Variants in MXD4 observed in about 807,000 individuals in gnomAD.
MXD4 encodes Mad4 homolog.
Under a neutral mutation model 24.5 loss-of-function variants are expected in MXD4, and 16 were observed. That is an observed-to-expected ratio of 0.65 (90% confidence interval 0.44 to 0.99). The LOEUF (loss-of-function observed/expected upper bound fraction) is 0.99, where lower values mean the gene tolerates loss of function less well. Among genes scored for constraint, MXD4 ranks in the 50% least tolerant of loss-of-function variants. The probability of loss-of-function intolerance (pLI) is 0.00; values close to 1 mark genes in which losing one functional copy is unlikely to be tolerated. For synonymous variants in MXD4, 164 were observed against 134.2 expected, an observed-to-expected ratio of 1.22 and a Z score of -1.54; for missense variants, 301 against 301.5, an observed-to-expected ratio of 1.00 and a Z score of 0.01.
intron 3 of MXD4, among the ~76,000 whole-genome samples, chr4:2,255,601 C>T (rs1338639890): frequency 6.6e-6 from 1 of 152,186 alleles, no homozygotes; most frequent in Non-Finnish European, 1.5e-5. Context: ...CTGCTGAGCC[C>T]TCCCCTCCTG....
intron 3 of MXD4, among the ~76,000 whole-genome samples, chr4:2,256,529 T>C (rs1735434634): frequency 6.6e-6 from 1 of 152,168 alleles, no homozygotes; most frequent in Non-Finnish European, 1.5e-5. Context: ...TAGGCTGTGA[T>C]CCAGGGCCCC....
intron 2 of MXD4, among the ~76,000 whole-genome samples, chr4:2,260,878 T>G (rs1735525421): frequency 6.6e-6 from 1 of 152,020 alleles, no homozygotes; most frequent in African/African-American, 2.4e-5. Context: ...TGTGCTATGG[T>G]CCTCACAGCA....
intron 2 of MXD4, chr4:2,258,779 T>G: frequency 2.5e-6 from 1 of 402,878 alleles, no homozygotes; most frequent in Non-Finnish European, 5.0e-6. Context: ...AGGGGGACAC[T>G]GAGGCCAGCC....
At chr4:2,251,607 C>T (rs1415279883) in intron 4 of MXD4, among the ~76,000 whole-genome samples, 2 of 152,248 alleles carry the variant, frequency 1.3e-5, no homozygotes, top group African/African-American at 4.8e-5. Context: ...GTCCTGCTTA[C>T]AGCGGGTCTC....
chr4:2,259,318 G>A (rs1219446386), intron 2 of MXD4, among the ~76,000 whole-genome samples: 2 of 152,060 alleles, frequency 1.3e-5, no homozygotes, highest in African/African-American at 4.8e-5. Flanking sequence ...GGGTCCGGGA[G>A]GGCCTGTTGG....
intron 3 of MXD4, chr4:2,255,322 G>A (rs1735404610): frequency 2.2e-6 from 1 of 456,270 alleles, no homozygotes; most frequent in Non-Finnish European, 4.4e-6. Context: ...GGAGGTCCGT[G>A]AACAGACCGC....
Position 2,262,038 on chromosome 4 carries a change from G to C in MXD4, c.-58C>G. 1.0e-6 allele frequency: 1 copy of C among 968,714 alleles called. No homozygotes were observed. The highest frequency in any genetic ancestry group is 1.2e-6 in the Non-Finnish European group (1 of 805,716). The allele number at this position is 968,714 out of a possible 1,614,324, so 60.0% of individuals were successfully genotyped here. A position where few individuals can be genotyped will look rare whatever the true frequency, so the allele number is the denominator to read the frequency against. ...CGGCGGCCGCTGCCCGGCCCGCTCC[G>C]GCCGGCTCCGCTCGCCGCCCACCCC... On this transcript the variant is annotated 5_prime_UTR_variant, in exon 1 of 6. Coordinates refer to ENST00000337190, the MANE Select transcript of MXD4 (RefSeq NM_006454.3).
In MXD4 at chr4:2,250,387, C is replaced by A; in HGVS notation, c.*157G>T. 2 of 1,042,328 alleles carry A rather than the reference C, an allele frequency of 1.9e-6. No individual in the cohort carries two copies. Among genetic ancestry groups the A allele is most frequent in the South Asian group, 1.7e-5 (1 of 58,934 alleles). 64.6% of individuals were successfully genotyped at this position (1,042,328 alleles called of 1,614,324 possible). On this transcript the variant is annotated 3_prime_UTR_variant, in exon 6 of 6. Coordinates refer to ENST00000337190, the MANE Select transcript of MXD4 (RefSeq NM_006454.3). ...GGCAGGCAGCTCGGCAGGCCCTGAC[C>A]GGCAAGCGGGCAGTGCCAGGCAGCC...
At chr4:2,261,849 G>C in intron 1 of MXD4, 25 bp from the exon 2 acceptor site, 2 of 1,360,668 alleles carry the variant, frequency 1.5e-6, no homozygotes, top group African/African-American at 1.5e-5. Context: ...CGCGGTCAGC[G>C]GCCCCCGCCC....
At chr4:2,257,868 C>G in intron 3 of MXD4, 114 bp downstream of exon 3, 1 of 1,381,368 alleles carries the variant, frequency 7.2e-7, no homozygotes, top group Admixed American at 1.9e-5. Flanking sequence ...AGGACACAGC[C>G]TGGCAGCACG....
At position 2,261,752 on chromosome 4, in the gene MXD4, C is replaced by A. The variant is rs867068650; in HGVS notation, c.137G>T (p.Gly46Val). 1.6e-5 allele frequency: 23 copies of A among 1,428,068 alleles called. No homozygotes were observed. In the African/African-American group the frequency reaches 3.1e-4, roughly 19 times the overall value. 88.5% of individuals were successfully genotyped at this position (1,428,068 alleles called of 1,614,324 possible). A position where few individuals can be genotyped will look rare whatever the true frequency, so the allele number is the denominator to read the frequency against. Residue 46 changes from glycine to valine, a missense_variant, in exon 2 of 6, where the codon GGC becomes GTC. Physicochemically the swap from Gly to Val is moderately radical, Grantham distance 109. Transcript: ENST00000337190. ...GTTGTTCGGGGCCTTGCGCACCAGG[C>A]CGGCCGCCTTTGTTTTCTCCCTGGC... Reference protein sequence around the residue: ...DFAREKTKAAGLVRKAPNNRS... With the variant: ...DFAREKTKAAVLVRKAPNNRS...
At chr4:2,260,841 G>A (rs1735524918) in intron 2 of MXD4, among the ~76,000 whole-genome samples, 1 of 152,224 alleles carries the variant, frequency 6.6e-6, no homozygotes, top group African/African-American at 2.4e-5. Context: ...AAAGGGCTGG[G>A]CCAAGGTGGG....
intron 3 of MXD4, among the ~76,000 whole-genome samples, chr4:2,257,252 G>A (rs927677178): frequency 6.6e-6 from 1 of 152,216 alleles, no homozygotes; most frequent in African/African-American, 2.4e-5. Flanking sequence ...CCACTAGGAA[G>A]GGAGGACAGA....
In MXD4 at chr4:2,251,154, C is replaced by A. The variant is rs144352901; in HGVS notation, c.402G>T (p.Ser134=). ...RFLKRRLEQL[S]VQSVERVRTD... ...TGCGCACGCGCTCCACGCTCTGCAC[C>A]GACAGCTGCTCCAGGCGCCGCTTCA... Residue 134 remains serine (S), a synonymous_variant, in exon 5 of 6, where the codon TCG becomes TCT. Coordinates refer to ENST00000337190, the MANE Select transcript of MXD4 (RefSeq NM_006454.3). The A allele has an allele frequency of 6.2e-7, 1 of 1,600,502 alleles. No individual in the cohort carries two copies. The highest frequency in any genetic ancestry group is 8.5e-7 in the Non-Finnish European group (1 of 1,173,486).
chr4:2,255,029 C>T (rs762576826), intron 3 of MXD4: 3 of 349,302 alleles, frequency 8.6e-6, no homozygotes, highest in East Asian at 7.7e-5. Flanking sequence ...CAGGACTGTC[C>T]GGAAGTCCCT....
At chr4:2,256,921 G>A (rs1377229768) in intron 3 of MXD4, among the ~76,000 whole-genome samples, 1 of 152,146 alleles carries the variant, frequency 6.6e-6, no homozygotes, top group Non-Finnish European at 1.5e-5. Context: ...CCTGGGTCCT[G>A]GTCAAGGCTA....
chr4:2,255,737 C>T (rs770026703), intron 3 of MXD4, among the ~76,000 whole-genome samples: 7 of 152,188 alleles, frequency 4.6e-5, no homozygotes, highest in African/African-American at 7.2e-5. Flanking sequence ...AACCCGCCTG[C>T]AGGACTAGCA....
At chr4:2,255,068 C>T (rs899707575) in intron 3 of MXD4, 20 of 353,974 alleles carry the variant, frequency 5.7e-5, no homozygotes, top group African/African-American at 3.9e-4. Flanking sequence ...TCACAAAGAA[C>T]GCTGGTGGCA....
At position 2,250,594 on chromosome 4, in the gene MXD4, T is replaced by A; in HGVS notation, c.580A>T (p.Ser194Cys). 6.2e-7 allele frequency: 1 copy of A among 1,611,198 alleles called. No individual in the cohort carries two copies. Among genetic ancestry groups the A allele is most frequent in the Non-Finnish European group, 8.5e-7 (1 of 1,179,284 alleles). Residue 194 changes from serine (S) to cysteine (C), a missense_variant, in exon 6 of 6, where the codon AGT becomes TGT. Ser to Cys is a moderately radical substitution (Grantham distance 112, BLOSUM62 -1). Transcript: ENST00000337190. ...YSLQSGTGGD[S>C]GFGPHCRRLG... is the part of the protein sequence containing the mutation. ...CGCCGGCAGTGGGGCCCGAAGCCAC[T>A]GTCGCCGCCGGTGCCACTCTGCAGG... is the stretch of plus-strand genomic sequence containing the variant.
Sources: allele counts gnomAD v4.1 joint callset (sites outside exome capture counted in the v4.1 genomes callset), GRCh38; gene constraint gnomAD v4.1.1; transcripts MANE v1.5; gene names NCBI Gene and HGNC (gene_info 2026-07-23, HGNC 2026-07-21).